The following DDX10 variants were observed in gnomAD, a reference collection of about 807,000 sequenced individuals.
The protein encoded by DDX10 is probable ATP-dependent RNA helicase DDX10.
A neutral mutation model predicts 104.3 loss-of-function variants in DDX10; 74 were observed. The observed-to-expected ratio is 0.71, with a 90% CI of 0.59 to 0.86. The LOEUF (loss-of-function observed/expected upper bound fraction) is 0.86. Among genes scored for constraint, DDX10 ranks in the 40% least tolerant of loss-of-function variants. The pLI is 0.00. For missense variants in DDX10, 952 were observed against 1,040.0 expected (o/e 0.92, Z 1.16); for synonymous variants, 351 against 353.4 (o/e 0.99, Z 0.08).
intron 16 of DDX10, among the ~76,000 whole-genome samples, chr11:108,879,065 G>A (rs376979435): frequency 6.6e-6 from 1 of 151,992 alleles, no homozygotes; most frequent in Non-Finnish European, 1.5e-5. Context: ...GTGCAGTGGC[G>A]CGATCTCGGC....
At chr11:108,926,088 G>C (rs973751188) in intron 17 of DDX10, among the ~76,000 whole-genome samples, 1 of 152,176 alleles carries the variant, frequency 6.6e-6, no homozygotes, top group Admixed American at 6.5e-5. Context: ...TCTACATGCA[G>C]ATTAGCTGTG....
At chr11:108,934,955 G>A (rs181413988) in intron 17 of DDX10, among the ~76,000 whole-genome samples, 4 of 152,124 alleles carry the variant, frequency 2.6e-5, no homozygotes, top group South Asian at 2.1e-4. Flanking sequence ...AGTCGAATTC[G>A]CAGCAAAATC....
At chr11:108,933,914 T>G (rs1455548114) in intron 17 of DDX10, among the ~76,000 whole-genome samples, 1 of 152,118 alleles carries the variant, frequency 6.6e-6, no homozygotes, top group Non-Finnish European at 1.5e-5. Flanking sequence ...TCAAGAAACA[T>G]GTATTAAGCC....
chr11:108,831,187 C>T (rs181694116), intron 13 of DDX10, among the ~76,000 whole-genome samples: 145 of 152,148 alleles, frequency 9.5e-4, no homozygotes, highest in African/African-American at 3.2e-3. Context: ...GGGTGGATCA[C>T]GAGGTCAAGA....
At chr11:108,913,626 C>A (rs1863708885) in intron 16 of DDX10, among the ~76,000 whole-genome samples, 1 of 152,150 alleles carries the variant, frequency 6.6e-6, no homozygotes, top group African/African-American at 2.4e-5. Flanking sequence ...CCTAGCTTGA[C>A]TTCCCTTTGG....
chr11:108,926,653 A>T (rs904417781), intron 17 of DDX10, among the ~76,000 whole-genome samples: 4 of 152,214 alleles, frequency 2.6e-5, no homozygotes, highest in Non-Finnish European at 5.9e-5. Context: ...CCGATTCTAC[A>T]TGTGGTAGCC....
At chr11:108,750,684 G>C (rs1285139705) in intron 13 of DDX10, among the ~76,000 whole-genome samples, 2 of 151,318 alleles carry the variant, frequency 1.3e-5, no homozygotes, top group African/African-American at 4.8e-5. Flanking sequence ...GTTTTGTTAT[G>C]GTACGAATTG....
At chr11:108,672,962 A>G (rs969081571) in intron 1 of DDX10, among the ~76,000 whole-genome samples, 2 of 152,268 alleles carry the variant, frequency 1.3e-5, no homozygotes, top group Non-Finnish European at 2.9e-5. Context: ...GTTGGATTTC[A>G]TAGGCCACTG....
Position 108,830,093 on chromosome 11 carries a change from A to G in DDX10, c.1966-8353A>G, listed in dbSNP as rs554821408. On this transcript the variant is annotated intron_variant, in intron 13 of 17. Coordinates refer to ENST00000322536, the MANE Select transcript of DDX10 (RefSeq NM_004398.4). ...TTTCAGGATTGTTTTTTCTAGTTCC[A>G]TGAAGAATTATGGTGGTATTTTGAT... 2.0e-5 allele frequency among the ~76,000 whole-genome samples: 3 copies of G among 152,226 alleles called. No individual in the cohort carries two copies. The South Asian group carries it at 6.2e-4, about 32-fold the overall frequency.
intron 16 of DDX10, among the ~76,000 whole-genome samples, chr11:108,883,353 G>A (rs148463318): frequency 6.6e-6 from 1 of 152,164 alleles, no homozygotes; most frequent in East Asian, 1.9e-4. Flanking sequence ...TCCTGCATCT[G>A]TGCCTTTCCA....
chr11:108,823,609 G>A (rs1565289707), intron 13 of DDX10, among the ~76,000 whole-genome samples: 1 of 152,136 alleles, frequency 6.6e-6, no homozygotes, highest in South Asian at 2.1e-4. Flanking sequence ...CTTTGTGAAG[G>A]CTTTAAATCA....
At chr11:108,753,077 A>C (rs2094340561) in intron 13 of DDX10, among the ~76,000 whole-genome samples, 1 of 147,100 alleles carries the variant, frequency 6.8e-6, no homozygotes, top group South Asian at 2.2e-4. Flanking sequence ...ATGACCAGTG[A>C]CTATTAGGAG....
intron 17 of DDX10, chr11:108,922,291 G>GAAGAAAGCA (rs1241286301): frequency 6.7e-6 from 1 of 149,486 alleles, no homozygotes. Flanking sequence ...AGAAGAAAGC[G>GAAGAAAGCA]AAGAAAGCAA....
chr11:108,748,583 A>G (rs1375744042), intron 13 of DDX10, among the ~76,000 whole-genome samples: 2 of 152,230 alleles, frequency 1.3e-5, no homozygotes, highest in Non-Finnish European at 2.9e-5. Context: ...AATAGAAATC[A>G]GTAAGACATC....
At chr11:108,758,543 T>C (rs1399306936) in intron 13 of DDX10, among the ~76,000 whole-genome samples, 1 of 152,086 alleles carries the variant, frequency 6.6e-6, no homozygotes, top group Non-Finnish European at 1.5e-5. Flanking sequence ...TGAATCTCAC[T>C]GGAGTAAAAG....
chr11:108,775,270 C>G (rs1235700866), intron 13 of DDX10, among the ~76,000 whole-genome samples: 1 of 152,114 alleles, frequency 6.6e-6, no homozygotes, highest in Non-Finnish European at 1.5e-5. Context: ...AGATTTTGCT[C>G]TGCATACTGA....
At chr11:108,801,029 C>T (rs1400184098) in intron 13 of DDX10, among the ~76,000 whole-genome samples, 3 of 152,178 alleles carry the variant, frequency 2.0e-5, no homozygotes, top group Non-Finnish European at 4.4e-5. Context: ...AACCAGACTA[C>T]TCAGATACAA....
chr11:108,827,638 T>C (rs1862413311), intron 13 of DDX10, among the ~76,000 whole-genome samples: 1 of 152,188 alleles, frequency 6.6e-6, no homozygotes, highest in South Asian at 2.1e-4. Context: ...TTGTTTCCTA[T>C]AATTTTAGTT....
intron 9 of DDX10, among the ~76,000 whole-genome samples, chr11:108,702,442 T>A (rs2094269814): frequency 1.3e-5 from 2 of 152,182 alleles, no homozygotes; most frequent in African/African-American, 4.8e-5. Flanking sequence ...GTGAATAGCG[T>A]ATCACAGACC....
Sources: gnomAD v4.1 joint callset for allele counts (sites outside exome capture counted in the v4.1 genomes callset) on GRCh38, gnomAD v4.1.1 for gene constraint, MANE v1.5 for transcripts, NCBI Gene and HGNC (gene_info 2026-07-23, HGNC 2026-07-21) for gene names.